Variants in TNRC18 observed in about 807,000 individuals in gnomAD.
TNRC18 encodes the protein trinucleotide repeat-containing gene 18 protein.
Under a neutral mutation model 226.7 loss-of-function variants are expected in TNRC18, and 69 were observed. That is an observed-to-expected ratio of 0.30 (90% CI 0.25 to 0.37). The LOEUF (loss-of-function observed/expected upper bound fraction) is 0.37, where lower values mean the gene tolerates loss of function less well. Among genes scored for constraint, TNRC18 ranks in the 10% least tolerant of loss-of-function variants. The probability of loss-of-function intolerance (pLI) is 1.00; values close to 1 mark genes in which losing one functional copy is unlikely to be tolerated. For missense variants in TNRC18, 4,754 were observed against 4,256.6 expected, an observed-to-expected ratio of 1.12 and a Z score of -3.25; for synonymous variants, 2,449 against 1,927.6, an observed-to-expected ratio of 1.27 and a Z score of -7.09.
chr7:5,351,104 A>C (rs1275956313), intron 17 of TNRC18, among the ~76,000 whole-genome samples: 1 of 152,102 alleles, frequency 6.6e-6, no homozygotes, highest in African/African-American at 2.4e-5. Context: ...TGAAAAATGA[A>C]ATGAATGCCA....
intron 3 of TNRC18, among the ~76,000 whole-genome samples, chr7:5,392,684 C>G (rs530517377): frequency 6.6e-6 from 1 of 152,178 alleles, no homozygotes; most frequent in Non-Finnish European, 1.5e-5. Context: ...GGCATCAGGT[C>G]TCTGCTCTCC....
chr7:5,410,393 G>C (rs1227245406), intron 2 of TNRC18, among the ~76,000 whole-genome samples: 1 of 150,960 alleles, frequency 6.6e-6, no homozygotes, highest in African/African-American at 2.4e-5. Context: ...AGGAATACTA[G>C]AGAGAATAGC....
At chr7:5,364,197 T>A (rs1050828505) in intron 11 of TNRC18, among the ~76,000 whole-genome samples, 1 of 151,606 alleles carries the variant, frequency 6.6e-6, no homozygotes, top group Non-Finnish European at 1.5e-5. Context: ...TATTCGGGGG[T>A]TGAGGCATAA....
chr7:5,356,653 A>ACCGCCAATCACGGGCGC (rs2128153898), intron 16 of TNRC18, among the ~76,000 whole-genome samples: 1 of 151,848 alleles, frequency 6.6e-6, no homozygotes, highest in African/African-American at 2.4e-5. Flanking sequence ...TCGGCTCCCA[A>ACCGCCAATCACGGGCGC]CCGCCAATCA....
chr7:5,324,167 A>T lies in TNRC18; in HGVS notation c.6442+47T>A. On this transcript the variant is annotated intron_variant, in intron 21 of 29. Coordinates refer to ENST00000430969, the MANE Select transcript of TNRC18 (RefSeq NM_001080495.3). This position sits in a 1 kb window ranked among gnomAD's most constrained non-coding sequence, Gnocchi z 4.8. Reference sequence around the variant, plus strand: ...TGCTCAGATCTGCCTCCCCCAAGGGAGGCTCCAGCAGCCCCGCCCGGCACA... The same window carrying T: ...TGCTCAGATCTGCCTCCCCCAAGGGTGGCTCCAGCAGCCCCGCCCGGCACA... The T allele has an allele frequency of 1.3e-6, 2 of 1,544,180 alleles. No homozygotes were observed. Among genetic ancestry groups the T allele is most frequent in the Non-Finnish European group, 8.7e-7 (1 of 1,149,004 alleles).
intron 22 of TNRC18, 25 bp from the exon 23 acceptor site, chr7:5,320,632 G>A (rs565837758): frequency 1.2e-6 from 2 of 1,606,428 alleles, no homozygotes; most frequent in South Asian, 1.1e-5. Context: ...GAGGCGTGAG[G>A]TGGCAGAGGC....
rs1055391772 is a variant in TNRC18 at position 5,394,217 on chromosome 7, G to A, written c.343+223C>T. Among the ~76,000 whole-genome samples, 1 of 152,156 alleles carries A rather than the reference G, an allele frequency of 6.6e-6. No homozygotes were observed. The highest frequency in any genetic ancestry group is 2.4e-5 in the African/African-American group (1 of 41,440). On this transcript the variant is annotated intron_variant, in intron 3 of 29. Coordinates refer to ENST00000430969, the MANE Select transcript of TNRC18 (RefSeq NM_001080495.3). This position sits in a 1 kb window ranked among gnomAD's most constrained non-coding sequence, Gnocchi z 4.5. Reference sequence around the variant, plus strand: ...GGAGGAGGACTGGAAGGTGGTCTGTGGCATGGGGTGTCAGGCTGAAAGGAG... The same window carrying A: ...GGAGGAGGACTGGAAGGTGGTCTGTAGCATGGGGTGTCAGGCTGAAAGGAG...
At chr7:5,378,553 G>C (rs745664252) in intron 5 of TNRC18, among the ~76,000 whole-genome samples, 11 of 151,690 alleles carry the variant, frequency 7.3e-5, no homozygotes, top group African/African-American at 1.7e-4. Context: ...CAAGTAGCTG[G>C]GACTACAGGT....
At chr7:5,395,343 C>T (rs1186383301) in intron 2 of TNRC18, among the ~76,000 whole-genome samples, 13 of 152,330 alleles carry the variant, frequency 8.5e-5, no homozygotes, top group East Asian at 5.8e-4. Flanking sequence ...GGCCCCACCC[C>T]GGGGTCACTG....
chr7:5,391,206 G>A (rs1318416112), intron 3 of TNRC18, among the ~76,000 whole-genome samples: 1 of 152,040 alleles, frequency 6.6e-6, no homozygotes, highest in Admixed American at 6.6e-5. Flanking sequence ...GGCAGGAGCT[G>A]CCAGGAAGGA....
At chr7:5,352,495 GA>G (rs1791933138) in intron 16 of TNRC18, among the ~76,000 whole-genome samples, 1 of 152,222 alleles carries the variant, frequency 6.6e-6, no homozygotes, top group Admixed American at 6.5e-5. Context: ...CAGAGGACCT[GA>G]CTCAGGAGGG....
intron 5 of TNRC18, among the ~76,000 whole-genome samples, chr7:5,383,957 A>ATTTGTTTTTT (rs1779576547): frequency 1.3e-5 from 1 of 78,794 alleles, no homozygotes; most frequent in East Asian, 4.4e-4. Context: ...TACCCGGGTG[A>ATTTGTTTTTT]TTTTTTTTTT....
intron 5 of TNRC18, among the ~76,000 whole-genome samples, chr7:5,385,540 C>T (rs1372014105): frequency 5.9e-5 from 9 of 151,510 alleles, no homozygotes; most frequent in African/African-American, 1.9e-4. Flanking sequence ...CAAAATTAGC[C>T]GGGCATGGTG....
chr7:5,377,479 G>T lies in TNRC18; in HGVS notation c.2353C>A (p.Leu785Met), dbSNP rs375175991. The T allele has an allele frequency of 3.2e-6, 5 of 1,582,046 alleles. No individual in the cohort carries two copies. Among genetic ancestry groups the T allele is most frequent in the Non-Finnish European group, 3.4e-6 (4 of 1,165,268 alleles). The change falls in exon 7 of 30, where the codon CTG (leucine) becomes ATG (methionine). Residue 785 changes from leucine to methionine, a missense_variant. Transcript: ENST00000430969. This position sits in a 1 kb window ranked among gnomAD's most constrained non-coding sequence, Gnocchi z 5.8. ...PNLMVTGGPA[L>M]AGSGRWSADP... is the part of the protein sequence containing the mutation. ...GCAGACCAGCGACCTGAGCCCGCCA[G>T]CGCCGGGCCCCCCGTCACCATGAGG...
At chr7:5,392,750 G>C (rs546218431) in intron 3 of TNRC18, among the ~76,000 whole-genome samples, 1 of 152,342 alleles carries the variant, frequency 6.6e-6, no homozygotes, top group South Asian at 2.1e-4. Context: ...GCTCATGCCT[G>C]TAATCCCAGC....
intron 14 of TNRC18, among the ~76,000 whole-genome samples, 198 bp from the exon 15 acceptor site, chr7:5,359,767 G>T (rs915556390): frequency 6.6e-6 from 1 of 152,208 alleles, no homozygotes; most frequent in African/African-American, 2.4e-5. Context: ...GGCAGAATGA[G>T]AGTTTAAGGT....
At position 5,374,504 on chromosome 7, in the gene TNRC18, C is replaced by A. The variant is rs752798724; in HGVS notation, c.2800-20G>T. On this transcript the variant is annotated intron_variant, in intron 9 of 29. Coordinates refer to ENST00000430969, the MANE Select transcript of TNRC18 (RefSeq NM_001080495.3). The stretch of plus-strand genomic sequence containing the variant: ...CTCCTGCTGGGAAGGGGCCGGCAGG[C>A]AGGGTCAGCACGGCACGAGTTTCCC... 1.3e-6 allele frequency: 2 copies of A among 1,538,456 alleles called. No homozygotes were observed. The highest frequency in any genetic ancestry group is 1.8e-6 in the Non-Finnish European group (2 of 1,142,094).
intron 18 of TNRC18, among the ~76,000 whole-genome samples, chr7:5,335,605 G>GGA (rs375560451): frequency 7.9e-6 from 1 of 126,814 alleles, no homozygotes; most frequent in African/African-American, 3.0e-5. Context: ...ACTCCGTCTA[G>GGA]AAAAAAAAAA....
chr7:5,372,398 T>C (rs1794246351), intron 10 of TNRC18, among the ~76,000 whole-genome samples: 1 of 150,956 alleles, frequency 6.6e-6, no homozygotes, highest in South Asian at 2.1e-4. Flanking sequence ...ATTTTTTATA[T>C]TTTTAGTAGA....
Sources: allele counts gnomAD v4.1 joint callset (sites outside exome capture counted in the v4.1 genomes callset), GRCh38; gene constraint gnomAD v4.1.1; non-coding constraint Gnocchi (gnomAD v3.1); transcripts MANE v1.5; gene names NCBI Gene and HGNC (gene_info 2026-07-23, HGNC 2026-07-21).